ANKS1B: variants seen among roughly 807,000 people sequenced by gnomAD.
ANKS1B encodes the protein ankyrin repeat and sterile alpha motif domain containing 1B.
In ANKS1B, 36 loss-of-function variants were observed where a neutral mutation model predicts 148.3. The ratio of observed to expected loss-of-function variants is 0.24; its 90% confidence interval spans 0.19 to 0.32. The LOEUF (loss-of-function observed/expected upper bound fraction) is 0.32, where lower values mean the gene tolerates loss of function less well. Ranked by LOEUF, ANKS1B falls within the 10% of genes least tolerant of loss-of-function variation. The pLI is 1.00. For missense variants in ANKS1B, 1,157 were observed against 1,542.6 expected, an observed-to-expected ratio of 0.75 and a Z score of 4.19; for synonymous variants, 542 against 560.8, an observed-to-expected ratio of 0.97 and a Z score of 0.47.
At chr12:98,877,911 C>T (rs2099695559) in intron 17 of ANKS1B, among the ~76,000 whole-genome samples, 1 of 152,122 alleles carries the variant, frequency 6.6e-6, no homozygotes. Flanking sequence ...TATAAATATA[C>T]TAGGCCTCAG....
rs374085704 is a variant in ANKS1B, at chr12:99,328,601, C to T, written c.1756+71030G>A. On this transcript the variant is annotated intron_variant, in intron 12 of 26. Coordinates refer to ENST00000683438, the MANE Select transcript of ANKS1B (RefSeq NM_001352186.2). ...CATAGTTAAAAAGACCCCAAAAGAT[C>T]AAAATGTTTCCAAGTAAGTCAATTT... Among the ~76,000 whole-genome samples, 50 of 151,860 alleles carry T rather than the reference C, an allele frequency of 3.3e-4. No individual in the cohort carries two copies. The East Asian group carries it at 5.8e-3, about 18-fold the overall frequency.
At chr12:99,593,750 A>T (rs376688676) in intron 9 of ANKS1B, among the ~76,000 whole-genome samples, 1 of 152,166 alleles carries the variant, frequency 6.6e-6, no homozygotes, top group East Asian at 1.9e-4. Context: ...TTTAAAAATT[A>T]TATCAGTAGG....
At position 99,629,153 on chromosome 12, in the gene ANKS1B, T is replaced by C. The variant is rs574727676; in HGVS notation, c.1272+25914A>G. On this transcript the variant is annotated intron_variant, in intron 9 of 26. Coordinates refer to ENST00000683438, the MANE Select transcript of ANKS1B (RefSeq NM_001352186.2). ...GCCATATAGCACTCAAAACCCAAAATAGTTACCATCTAACCTTTTACAGAG... is the reference window on the plus strand; with the variant it reads ...GCCATATAGCACTCAAAACCCAAAACAGTTACCATCTAACCTTTTACAGAG... Among the ~76,000 whole-genome samples the C allele has an allele frequency of 6.6e-5, 10 of 152,172 alleles. No individual in the cohort carries two copies. The South Asian group carries it at 2.1e-3, about 32-fold the overall frequency.
At chr12:99,266,961 C>T (rs2076506650) in intron 12 of ANKS1B, among the ~76,000 whole-genome samples, 1 of 152,150 alleles carries the variant, frequency 6.6e-6, no homozygotes, top group African/African-American at 2.4e-5. Flanking sequence ...ACTCTCCTCC[C>T]AGTCTGCCTT....
At chr12:98,852,247 G>A (rs1026427143) in intron 17 of ANKS1B, among the ~76,000 whole-genome samples, 3 of 152,022 alleles carry the variant, frequency 2.0e-5, no homozygotes, top group African/African-American at 7.2e-5. Flanking sequence ...ACTTGCAGTG[G>A]GTGCTCAATG....
intron 12 of ANKS1B, among the ~76,000 whole-genome samples, chr12:99,254,205 C>A (rs2074985633): frequency 2.6e-5 from 4 of 152,290 alleles, no homozygotes; most frequent in Admixed American, 1.3e-4. Context: ...GATTTGGTTG[C>A]ACGGTGGTTC....
chr12:99,820,872 T>C (rs936956359), intron 2 of ANKS1B, among the ~76,000 whole-genome samples: 2 of 151,830 alleles, frequency 1.3e-5, no homozygotes, highest in African/African-American at 4.8e-5. Context: ...ACACTTAAGC[T>C]CTAGACACAA....
Position 98,801,227 on chromosome 12 carries a change from C to T in ANKS1B, c.3142-102G>A, listed in dbSNP as rs1455159751. On this transcript the variant is annotated intron_variant, in intron 20 of 26. Coordinates refer to ENST00000683438, the MANE Select transcript of ANKS1B (RefSeq NM_001352186.2). The surrounding 1 kb of genome is among the most constrained non-coding windows in gnomAD (Gnocchi z 5.2). ...TTACACACAGGTGCTGTGAATGTAC[C>T]AAAATGCATTTGGGTGTCTTATGTG... is the stretch of plus-strand genomic sequence containing the variant. 4 of 1,195,690 alleles carry T rather than the reference C, an allele frequency of 3.3e-6. No individual in the cohort carries two copies. Among genetic ancestry groups the T allele is most frequent in the Non-Finnish European group, 4.6e-6 (4 of 864,556 alleles). 74.1% of individuals were successfully genotyped at this position (1,195,690 alleles called of 1,614,324 possible). A position where few individuals can be genotyped will look rare whatever the true frequency, so the allele number is the denominator to read the frequency against.
chr12:98,821,307 G>A (rs2099188343), intron 19 of ANKS1B, among the ~76,000 whole-genome samples: 1 of 152,218 alleles, frequency 6.6e-6, no homozygotes, highest in Non-Finnish European at 1.5e-5. Flanking sequence ...TCCAAAGTCA[G>A]AGTGGATTTA....
intron 17 of ANKS1B, among the ~76,000 whole-genome samples, chr12:98,860,215 C>T (rs1353493441): frequency 1.3e-5 from 2 of 152,228 alleles, no homozygotes; most frequent in African/African-American, 2.4e-5. Flanking sequence ...ATGCCAAACA[C>T]ATACACTGAA....
At position 99,896,362 on chromosome 12, in the gene ANKS1B, T is replaced by C. The variant is rs140979140; in HGVS notation, c.135-70973A>G. 2.2e-3 allele frequency among the ~76,000 whole-genome samples: 337 copies of C among 151,358 alleles called. 4 individuals carry two copies. Among genetic ancestry groups the C allele is most frequent in the African/African-American group, 7.7e-3 (320 of 41,446 alleles). ...AGTGAGATCATATAGTATTTTTCTA[T>C]GTTTGGCTTATTTCACTTAGTATCA... On this transcript the variant is annotated intron_variant, in intron 1 of 26. Transcript: ENST00000683438.
At chr12:99,014,213 A>G (rs2099941085) in intron 17 of ANKS1B, among the ~76,000 whole-genome samples, 1 of 152,174 alleles carries the variant, frequency 6.6e-6, no homozygotes, top group Non-Finnish European at 1.5e-5. Context: ...TCCAGAAATA[A>G]GACTGCACAC....
At chr12:99,699,997 T>C (rs754707776) in intron 8 of ANKS1B, among the ~76,000 whole-genome samples, 2 of 152,196 alleles carry the variant, frequency 1.3e-5, no homozygotes, top group Non-Finnish European at 2.9e-5. Flanking sequence ...TGGAAATTAA[T>C]GTAACAGAAC....
intron 15 of ANKS1B, among the ~76,000 whole-genome samples, chr12:99,115,823 T>C (rs919843189): frequency 2.0e-5 from 3 of 151,538 alleles, no homozygotes; most frequent in Non-Finnish European, 4.4e-5. Context: ...TCCCAGCTAC[T>C]TGGGAGGCTG....
chr12:99,015,243 A>T (rs2099941736), intron 17 of ANKS1B, among the ~76,000 whole-genome samples: 1 of 152,208 alleles, frequency 6.6e-6, no homozygotes, highest in African/African-American at 2.4e-5. Flanking sequence ...ATGGAGCTGG[A>T]GGCCATTATC....
chr12:99,172,462 T>A (rs547689044), intron 14 of ANKS1B, among the ~76,000 whole-genome samples: 41 of 152,270 alleles, frequency 2.7e-4, no homozygotes, highest in African/African-American at 9.9e-4. Flanking sequence ...TAACTAATTA[T>A]TTTAGGAGAC....
At chr12:98,874,372 G>T (rs914392248) in intron 17 of ANKS1B, among the ~76,000 whole-genome samples, 1 of 152,218 alleles carries the variant, frequency 6.6e-6, no homozygotes, top group Admixed American at 6.5e-5. Context: ...GTTTAAGGGA[G>T]TGGAGCAGAT....
At chr12:99,153,872 C>T (rs1403719938) in intron 15 of ANKS1B, among the ~76,000 whole-genome samples, 1 of 152,120 alleles carries the variant, frequency 6.6e-6, no homozygotes, top group African/African-American at 2.4e-5. Context: ...ATAAACACAA[C>T]AAATTGTCTC....
chr12:99,698,624 T>A (rs992919460), intron 8 of ANKS1B, among the ~76,000 whole-genome samples: 12 of 152,162 alleles, frequency 7.9e-5, no homozygotes, highest in African/African-American at 2.7e-4. Context: ...GCAATAACAC[T>A]CTACAGCAAA....
Sources: allele counts gnomAD v4.1 joint callset (sites outside exome capture counted in the v4.1 genomes callset), GRCh38; gene constraint gnomAD v4.1.1; non-coding constraint Gnocchi (gnomAD v3.1); transcripts MANE v1.5; gene names NCBI Gene and HGNC (gene_info 2026-07-23, HGNC 2026-07-21).